The following DCTN4 variants were observed in gnomAD, a reference collection of about 807,000 sequenced individuals.
The protein encoded by DCTN4 is dynactin 4 (p62).
DCTN4 carries 23 observed loss-of-function variants against 62.7 expected under a neutral mutation model. That is an observed-to-expected ratio of 0.37 (90% CI 0.26 to 0.52). DCTN4 has a LOEUF of 0.52. Ranked by LOEUF, DCTN4 falls within the 20% of genes least tolerant of loss-of-function variation. The pLI, the probability that DCTN4 is intolerant of heterozygous loss-of-function variation, is 0.92. For synonymous variants in DCTN4, 199 were observed against 202.1 expected (o/e 0.98, Z 0.13); for missense variants, 514 against 580.4 (o/e 0.89, Z 1.18).
Position 150,710,852 on chromosome 5 carries a change from C to T in DCTN4, c.*297G>A. 1 of 395,750 alleles carries T rather than the reference C, an allele frequency of 2.5e-6. No individual in the cohort carries two copies. Among genetic ancestry groups the T allele is most frequent in the Non-Finnish European group, 4.8e-6 (1 of 209,982 alleles). 24.5% of individuals were successfully genotyped at this position (395,750 alleles called of 1,614,324 possible). On this transcript the variant is annotated 3_prime_UTR_variant, in exon 13 of 13. Coordinates refer to ENST00000447998, the MANE Select transcript of DCTN4 (RefSeq NM_016221.4). ...GTTTCTCAGGTGGTAAATACAATGC[C>T]ATTCCAAGGAACACCCATCCCCTTT...
At chr5:150,745,370 T>C (rs1760922839) in intron 3 of DCTN4, among the ~76,000 whole-genome samples, 1 of 151,654 alleles carries the variant, frequency 6.6e-6, no homozygotes, top group Non-Finnish European at 1.5e-5. Context: ...CTGTCAACAT[T>C]AGACAGATCA....
intron 3 of DCTN4, among the ~76,000 whole-genome samples, chr5:150,750,277 G>A (rs1431984785): frequency 6.6e-6 from 1 of 152,112 alleles, no homozygotes; most frequent in Non-Finnish European, 1.5e-5. Flanking sequence ...AGTATAATGA[G>A]ATACCATTTC....
chr5:150,726,866 T>C (rs1760163922), intron 8 of DCTN4, among the ~76,000 whole-genome samples: 1 of 152,212 alleles, frequency 6.6e-6, no homozygotes, highest in Admixed American at 6.5e-5. Context: ...CATGGTTTTG[T>C]AATTGCTAAG....
chr5:150,730,338 A>C (rs2113050276), intron 8 of DCTN4, among the ~76,000 whole-genome samples: 1 of 152,070 alleles, frequency 6.6e-6, no homozygotes, highest in Non-Finnish European at 1.5e-5. Flanking sequence ...CACTAGCCTA[A>C]AAGTTCACAC....
rs770148207 is a variant in DCTN4, at chr5:150,718,373, A to C, written c.974T>G (p.Val325Gly). 27 of 1,610,380 alleles carry C rather than the reference A, an allele frequency of 1.7e-5. No homozygotes were observed. The South Asian group carries it at 3.0e-4, about 18-fold the overall frequency. ...PNLRYMKESQVLLTLTNPVEN... is the reference protein window; with the variant it reads ...PNLRYMKESQGLLTLTNPVEN... ...AACTGGATTTGTAAGAGTCAGGAGGACCTGGCTCTCCTGGTGAATAGGAAA... is the reference window on the plus strand; with the variant it reads ...AACTGGATTTGTAAGAGTCAGGAGGCCCTGGCTCTCCTGGTGAATAGGAAA... The change falls in exon 11 of 13, where the codon GTC (valine) becomes GGC (glycine). Residue 325 changes from valine to glycine, a missense_variant. Coordinates refer to ENST00000447998, the MANE Select transcript of DCTN4 (RefSeq NM_016221.4).
intron 4 of DCTN4, among the ~76,000 whole-genome samples, chr5:150,737,494 TAAA>T (rs2113084468): frequency 6.6e-6 from 1 of 152,302 alleles, no homozygotes; most frequent in South Asian, 2.1e-4. Context: ...GCATGGAAAT[TAAA>T]TAATCTCCTT....
intron 5 of DCTN4, among the ~76,000 whole-genome samples, chr5:150,732,207 T>A (rs747451942): frequency 4.6e-5 from 7 of 152,226 alleles, no homozygotes; most frequent in African/African-American, 7.2e-5. Flanking sequence ...TGGAGTGCAG[T>A]GGCGCTATCT....
chr5:150,744,431 T>G (rs892690390), intron 3 of DCTN4, among the ~76,000 whole-genome samples: 1 of 151,706 alleles, frequency 6.6e-6, no homozygotes, highest in Non-Finnish European at 1.5e-5. Flanking sequence ...ATTCAGGAAA[T>G]ACAGAGAATG....
intron 3 of DCTN4, among the ~76,000 whole-genome samples, chr5:150,750,770 T>C (rs1752642388): frequency 6.6e-6 from 1 of 152,184 alleles, no homozygotes; most frequent in Non-Finnish European, 1.5e-5. Context: ...AAACACTGAA[T>C]TCAGGATTGT....
chr5:150,722,784 A>G, intron 9 of DCTN4, 123 bp downstream of exon 9: 2 of 652,212 alleles, frequency 3.1e-6, no homozygotes, highest in South Asian at 2.1e-5. Context: ...CAGAATGTCA[A>G]GATTATTTTG....
intron 4 of DCTN4, among the ~76,000 whole-genome samples, chr5:150,740,617 C>A (rs1294602257): frequency 6.6e-6 from 1 of 152,128 alleles, no homozygotes; most frequent in African/African-American, 2.4e-5. Context: ...TATAGCAGCA[C>A]AATTCACAGC....
intron 1 of DCTN4, chr5:150,758,556 C>A: frequency 2.7e-6 from 3 of 1,117,196 alleles, no homozygotes; most frequent in Non-Finnish European, 3.3e-6. Context: ...TAAGCACCCC[C>A]AGACCTTTCT....
At chr5:150,726,623 G>A (rs1760154656) in intron 8 of DCTN4, among the ~76,000 whole-genome samples, 1 of 152,010 alleles carries the variant, frequency 6.6e-6, no homozygotes, top group Non-Finnish European at 1.5e-5. Context: ...AGTTATACAT[G>A]ACTCCCACAA....
chr5:150,758,394 G>A (rs1207154386), intron 1 of DCTN4: 36 of 990,222 alleles, frequency 3.6e-5, no homozygotes, highest in Non-Finnish European at 4.0e-5. Context: ...GTCAGGAACA[G>A]GGCAAGGCAG....
intron 8 of DCTN4, among the ~76,000 whole-genome samples, chr5:150,727,055 G>A (rs1229308813): frequency 6.6e-6 from 1 of 152,112 alleles, no homozygotes; most frequent in African/African-American, 2.4e-5. Flanking sequence ...CAGGGGTTAG[G>A]GGCGGTGGGG....
chr5:150,727,775 C>CAAAAAAAA (rs11292193), intron 8 of DCTN4, among the ~76,000 whole-genome samples: 48 of 82,330 alleles, frequency 5.8e-4, no homozygotes, highest in Non-Finnish European at 8.4e-4. Flanking sequence ...GACTCCGTCT[C>CAAAAAAAA]AAAAAAAAAA....
intron 4 of DCTN4, among the ~76,000 whole-genome samples, chr5:150,734,892 T>C (rs1025305244): frequency 2.0e-5 from 3 of 152,084 alleles, no homozygotes; most frequent in African/African-American, 4.8e-5. Context: ...TGGCCACCAG[T>C]ATGACACAGC....
In DCTN4 at chr5:150,753,617, G is replaced by C. The variant is rs983872990; in HGVS notation, c.247C>G (p.Leu83Val). ...GAGATGCTCGTGGCCCGAGTAGAGAGGGTGTGCATGCAGCCAGGACAGTCA... is the reference window on the plus strand; with the variant it reads ...GAGATGCTCGTGGCCCGAGTAGAGACGGTGTGCATGCAGCCAGGACAGTCA... ...CFDCPGCMHT[L>V]STRATSISTQ... is the part of the protein sequence containing the mutation. Residue 83 changes from leucine to valine, a missense_variant, in exon 3 of 13, where the codon CTC (leucine) becomes GTC (valine). Leu to Val is a conservative substitution (Grantham distance 32). Transcript: ENST00000447998. 4.3e-6 allele frequency: 7 copies of C among 1,613,908 alleles called. No individual in the cohort carries two copies. The highest frequency in any genetic ancestry group is 1.6e-4 in the Middle Eastern group (1 of 6,082).
Position 150,737,316 on chromosome 5 carries a change from T to A in DCTN4, c.430-3841A>T, listed in dbSNP as rs1288876759. Among the ~76,000 whole-genome samples the A allele has an allele frequency of 5.9e-5, 9 of 152,114 alleles. 1 individual carries two copies. The highest frequency in any genetic ancestry group is 2.2e-4 in the African/African-American group (9 of 41,404). ...TACCCAACAACTGCAGAAGATACAT[T>A]CTATTCATTAGCACATAGAATATTC... On this transcript the variant is annotated intron_variant, in intron 4 of 12. Coordinates refer to ENST00000447998, the MANE Select transcript of DCTN4 (RefSeq NM_016221.4).
Sources: allele counts gnomAD v4.1 joint callset (sites outside exome capture counted in the v4.1 genomes callset), GRCh38; gene constraint gnomAD v4.1.1; transcripts MANE v1.5; gene names NCBI Gene and HGNC (gene_info 2026-07-23, HGNC 2026-07-21).